The following AHNAK2 variants were observed in gnomAD, a reference collection of about 807,000 sequenced individuals.
AHNAK2 encodes protein AHNAK2.
In AHNAK2, 18 loss-of-function variants were observed where a neutral mutation model predicts 30.7. The observed-to-expected ratio is 0.59, with a 90% CI of 0.41 to 0.87. The LOEUF (loss-of-function observed/expected upper bound fraction) is 0.87. AHNAK2 is among the 40% of genes least tolerant of loss of function. The pLI, the probability that AHNAK2 is intolerant of heterozygous loss-of-function variation, is 0.00. For missense variants in AHNAK2, 8,604 were observed against 7,373.0 expected, an observed-to-expected ratio of 1.17 and a Z score of -6.11; for synonymous variants, 3,590 against 3,073.8, an observed-to-expected ratio of 1.17 and a Z score of -5.56.
intron 1 of AHNAK2, among the ~76,000 whole-genome samples, chr14:104,972,576 C>T (rs1050203140): frequency 6.6e-6 from 1 of 152,202 alleles, no homozygotes; most frequent in Non-Finnish European, 1.5e-5. Context: ...CCCTGCACAG[C>T]TGGCCACAGC....
At position 104,946,442 on chromosome 14, in the gene AHNAK2, C is replaced by A. The variant is rs754492436; in HGVS notation, c.9009G>T (p.Val3003=). The A allele has an allele frequency of 6.2e-7, 1 of 1,612,296 alleles. No individual in the cohort carries two copies. Among genetic ancestry groups the A allele is most frequent in the Admixed American group, 1.7e-5 (1 of 59,862 alleles). ...CTTCGGCCTCCACCTTCGGCGCAGACACATCCACCGAGACCTCAATGGACT... is the reference window on the plus strand; with the variant it reads ...CTTCGGCCTCCACCTTCGGCGCAGAAACATCCACCGAGACCTCAATGGACT... ...PGKSIEVSVD[V]SAPKVEAEVS... Residue 3003 remains valine, a synonymous_variant, in exon 7 of 7, where the codon GTG becomes GTT. Coordinates refer to ENST00000333244, the MANE Select transcript of AHNAK2 (RefSeq NM_138420.4).
At position 104,949,292 on chromosome 14, in the gene AHNAK2, A is replaced by C; in HGVS notation, c.6159T>G (p.Asp2053Glu). The C allele has an allele frequency of 3.8e-6, 4 of 1,055,182 alleles. 2 individuals are homozygous for C. In the South Asian group the frequency reaches 6.2e-5, roughly 16 times the overall value. 65.4% of individuals were successfully genotyped at this position (1,055,182 alleles called of 1,614,324 possible). A position where few individuals can be genotyped will look rare whatever the true frequency, so the allele number is the denominator to read the frequency against. ...GCACGTGGCCCTCCGGGAGCTTCACATCCACCTGGCCAGTCTGGACCTTCA... is the reference window on the plus strand; with the variant it reads ...GCACGTGGCCCTCCGGGAGCTTCACCTCCACCTGGCCAGTCTGGACCTTCA... ...ADLKVQTGQV[D>E]VKLPEGHVPE... The change falls in exon 7 of 7, where the codon GAT (aspartate) becomes GAG (glutamate). Residue 2053 changes from aspartate to glutamate, a missense_variant. Coordinates refer to ENST00000333244, the MANE Select transcript of AHNAK2 (RefSeq NM_138420.4).
intron 1 of AHNAK2, among the ~76,000 whole-genome samples, chr14:104,967,243 C>A (rs1189481921): frequency 6.6e-6 from 1 of 152,196 alleles, no homozygotes; most frequent in African/African-American, 2.4e-5. Context: ...CTGGCAGGAG[C>A]CTGGATGGGT....
rs775218650 is a variant in AHNAK2, at chr14:104,952,017, A to C, written c.3434T>G (p.Leu1145Arg). 6.1e-5 allele frequency: 98 copies of C among 1,612,164 alleles called. No individual in the cohort carries two copies. The highest frequency in any genetic ancestry group is 7.8e-5 in the Non-Finnish European group (92 of 1,179,608). The change falls in exon 7 of 7, where the codon CTG becomes CGG. Residue 1145 changes from leucine (L) to arginine (R), a missense_variant. Leu to Arg is a moderately radical substitution (Grantham distance 102). Transcript: ENST00000333244. ...GTCGGCCAGGGACAGTTCCCCCTCCAGCCGCGCACTGTCCAGCTTGGCTCC... is the reference window on the plus strand; with the variant it reads ...GTCGGCCAGGGACAGTTCCCCCTCCCGCCGCGCACTGTCCAGCTTGGCTCC... ...APGAKLDSAR[L>R]EGELSLADKD...
rs1352760970 is a variant in AHNAK2, at chr14:104,940,766, A to G, written c.14685T>C (p.Pro4895=). 3.1e-6 allele frequency: 5 copies of G among 1,612,890 alleles called. No homozygotes were observed. Among genetic ancestry groups the G allele is most frequent in the Non-Finnish European group, 4.2e-6 (5 of 1,179,894 alleles). ...ACTGCACTCTTTCTCCAGGGCTAAG[A>G]GGAGACATGACTGGGGCACCCACTG... ...HAAVGAPVMS[P]LSPGERVQCP... is the part of the protein sequence containing the mutation. Residue 4895 remains proline, a synonymous_variant, in exon 7 of 7, where the codon CCT becomes CCC. Coordinates refer to ENST00000333244, the MANE Select transcript of AHNAK2 (RefSeq NM_138420.4). This position sits in a 1 kb window ranked among gnomAD's most constrained non-coding sequence, Gnocchi z 4.4.
chr14:104,950,294 A>C lies in AHNAK2; in HGVS notation c.5157T>G (p.Ala1719=). The change falls in exon 7 of 7, where the codon GCT becomes GCG. Residue 1719 remains alanine (A), a synonymous_variant. Transcript: ENST00000333244. ...CCGGGAGTTTCACGTTCACTTGGCCAGCCTGGACCTCCAGGTCGGCGGAAG... is the reference window on the plus strand; with the variant it reads ...CCGGGAGTTTCACGTTCACTTGGCCCGCCTGGACCTCCAGGTCGGCGGAAG... ...QSPSADLEVQ[A]GQVNVKLPEG... is the part of the protein sequence containing the mutation. 6.3e-7 allele frequency: 1 copy of C among 1,585,272 alleles called. No individual in the cohort carries two copies. Among genetic ancestry groups the C allele is most frequent in the Non-Finnish European group, 8.6e-7 (1 of 1,162,682 alleles).
chr14:104,942,133 G>C lies in AHNAK2; in HGVS notation c.13318C>G (p.Leu4440Val), dbSNP rs766035914. The C allele has an allele frequency of 6.2e-7, 1 of 1,613,378 alleles. No homozygotes were observed. The highest frequency in any genetic ancestry group is 1.1e-5 in the South Asian group (1 of 91,044). ...EVDIQAPGAK[L>V]DSTRLEGDLS... is the part of the protein sequence containing the mutation. ...TCCCCCTCCAGCCGCGTACTGTCCA[G>C]CTTGGCTCCTGGGGCTTGGATGTCC... is the stretch of plus-strand genomic sequence containing the variant. The change falls in exon 7 of 7, where the codon CTG (leucine) becomes GTG (valine). Residue 4440 changes from leucine to valine, a missense_variant. Coordinates refer to ENST00000333244, the MANE Select transcript of AHNAK2 (RefSeq NM_138420.4).
chr14:104,949,824 G>A lies in AHNAK2; in HGVS notation c.5627C>T (p.Pro1876Leu), dbSNP rs200570508. The A allele has an allele frequency of 1.3e-6, 2 of 1,586,554 alleles. No homozygotes were observed. Among genetic ancestry groups the A allele is most frequent in the African/African-American group, 1.4e-5 (1 of 72,136 alleles). The part of the protein sequence containing the change: ...LKTTDLCIPL[P>L]SADLVVQAGQ... ...AGCCTGGACCACCAGGTCTGCAGAA[G>A]GGAGCGGAATGCAGAGGTCCGTGGT... The change falls in exon 7 of 7, where the codon CCT (proline) becomes CTT (leucine). Residue 1876 changes from proline to leucine, a missense_variant. Coordinates refer to ENST00000333244, the MANE Select transcript of AHNAK2 (RefSeq NM_138420.4).
intron 1 of AHNAK2, among the ~76,000 whole-genome samples, chr14:104,974,750 A>C (rs1291185854): frequency 6.6e-6 from 1 of 152,218 alleles, no homozygotes; most frequent in Non-Finnish European, 1.5e-5. Flanking sequence ...AAGCACCCCC[A>C]CAACTCACAC....
At position 104,941,684 on chromosome 14, in the gene AHNAK2, C is replaced by A. The variant is rs1232234139; in HGVS notation, c.13767G>T (p.Val4589=). ...KAEVMAPDVE[V]SLPSVETDVQ... ...CATCCGTCTCCACGCTGGGCAGAGA[C>A]ACCTCCACATCGGGGGCCATCACCT... Residue 4589 remains valine (V), a synonymous_variant, in exon 7 of 7, where the codon GTG becomes GTT. Coordinates refer to ENST00000333244, the MANE Select transcript of AHNAK2 (RefSeq NM_138420.4). The A allele has an allele frequency of 6.2e-7, 1 of 1,613,580 alleles. No homozygotes were observed.
In AHNAK2 at chr14:104,948,132, G is replaced by A. The variant is rs1427921090; in HGVS notation, c.7319C>T (p.Pro2440Leu). 1 of 1,612,324 alleles carries A rather than the reference G, an allele frequency of 6.2e-7. No individual in the cohort carries two copies. The highest frequency in any genetic ancestry group is 2.2e-5 in the East Asian group (1 of 44,746). Residue 2440 changes from proline to leucine, a missense_variant, in exon 7 of 7, where the codon CCC (proline) becomes CTC (leucine). Pro to Leu is a moderately conservative substitution (Grantham distance 98). Transcript: ENST00000333244. Reference protein sequence around the residue: ...LKGPKTDVMAPDVEVSQPSVE... With the variant: ...LKGPKTDVMALDVEVSQPSVE... ...GCTGGGCTGAGACACCTCCACGTCG[G>A]GGGCCATCACGTCCGTCTTGGGGCC...
chr14:104,946,273 G>T lies in AHNAK2; in HGVS notation c.9178C>A (p.His3060Asn). The change falls in exon 7 of 7, where the codon CAC (histidine) becomes AAC (asparagine). Residue 3060 changes from histidine (H) to asparagine (N), a missense_variant. Transcript: ENST00000333244. ...HVPEGAGLKG[H>N]LPKLQMPSFK... ...CTGGGCATCTGCAACTTGGGCAGGTGCCCTTTGAGGCCAGCTCCCTCGGGA... is the reference window on the plus strand; with the variant it reads ...CTGGGCATCTGCAACTTGGGCAGGTTCCCTTTGAGGCCAGCTCCCTCGGGA... 6.2e-7 allele frequency: 1 copy of T among 1,611,026 alleles called. No homozygotes were observed. The highest frequency in any genetic ancestry group is 1.1e-5 in the South Asian group (1 of 90,904).
Position 104,952,499 on chromosome 14 carries a change from C to G in AHNAK2, c.2952G>C (p.Leu984=). 1.2e-6 allele frequency: 2 copies of G among 1,612,812 alleles called. No homozygotes were observed. Among genetic ancestry groups the G allele is most frequent in the Non-Finnish European group, 1.7e-6 (2 of 1,179,662 alleles). Reference sequence around the variant, plus strand: ...CAGTCACGTCCTTGTCGGCCAGGGACAGGTCCCCCTCCAGCCACGCACCAT... The same window carrying G: ...CAGTCACGTCCTTGTCGGCCAGGGAGAGGTCCCCCTCCAGCCACGCACCAT... ...KLDGAWLEGD[L]SLADKDVTAK... is the part of the protein sequence containing the mutation. Residue 984 remains leucine, a synonymous_variant, in exon 7 of 7, where the codon CTG becomes CTC. Transcript: ENST00000333244.
At position 104,942,755 on chromosome 14, in the gene AHNAK2, C is replaced by T. The variant is rs1898053526; in HGVS notation, c.12696G>A (p.Lys4232=). The T allele has an allele frequency of 1.2e-6, 2 of 1,613,072 alleles. No individual in the cohort carries two copies. The highest frequency in any genetic ancestry group is 4.5e-5 in the East Asian group (2 of 44,758). ...PCLKMPKVAL[K]GPQVDVKGPK... ...GGCCCTTGACATCCACCTGGGGGCC[C>T]TTGAGGGCCACTTTGGGCATCTTCA... Residue 4232 remains lysine (K), a synonymous_variant, in exon 7 of 7, where the codon AAG becomes AAA. Coordinates refer to ENST00000333244, the MANE Select transcript of AHNAK2 (RefSeq NM_138420.4).
At chr14:104,956,216 G>C (rs892573414) in intron 4 of AHNAK2, among the ~76,000 whole-genome samples, 1 of 152,208 alleles carries the variant, frequency 6.6e-6, no homozygotes, top group African/African-American at 2.4e-5. Context: ...ACCTTCCATA[G>C]TTCCATGGCC....
In AHNAK2 at chr14:104,948,078, G is replaced by A. The variant is rs553916130; in HGVS notation, c.7373C>T (p.Ala2458Val). Residue 2458 changes from alanine (A) to valine (V), a missense_variant, in exon 7 of 7, where the codon GCC becomes GTC. Physicochemically the swap from Ala to Val is moderately conservative, Grantham distance 64. Transcript: ENST00000333244. ...CTCCAGCCACGCACCATCCAGCTTGGCTCCCGGGGCCTCGACATCCACCTC... is the reference window on the plus strand; with the variant it reads ...CTCCAGCCACGCACCATCCAGCTTGACTCCCGGGGCCTCGACATCCACCTC... ...SVEVDVEAPGAKLDGAWLEGD... is the reference protein window; with the variant it reads ...SVEVDVEAPGVKLDGAWLEGD... 2.5e-6 allele frequency: 4 copies of A among 1,612,930 alleles called. No homozygotes were observed. The East Asian group carries it at 6.7e-5, about 27-fold the overall frequency.
In AHNAK2 at chr14:104,941,131, G is replaced by C; in HGVS notation, c.14320C>G (p.Leu4774Val). The change falls in exon 7 of 7, where the codon CTC becomes GTC. Residue 4774 changes from leucine (L) to valine (V), a missense_variant. Physicochemically the swap from Leu to Val is conservative, Grantham distance 32. Coordinates refer to ENST00000333244, the MANE Select transcript of AHNAK2 (RefSeq NM_138420.4). ...FAGFPSSRLDLTGPHFESSIL... is the reference protein window; with the variant it reads ...FAGFPSSRLDVTGPHFESSIL... The stretch of plus-strand genomic sequence containing the variant: ...GAAGATTCAAAGTGAGGACCAGTGA[G>C]ATCAAGCCGGGATGATGGAAACCCA... The C allele has an allele frequency of 6.2e-7, 1 of 1,613,638 alleles. No individual in the cohort carries two copies.
At position 104,938,547 on chromosome 14, in the gene AHNAK2, T is replaced by C. The variant is rs143601583; in HGVS notation, c.16904A>G (p.Asp5635Gly). 2.2e-5 allele frequency: 36 copies of C among 1,613,366 alleles called. No homozygotes were observed. The Middle Eastern group carries it at 6.6e-4, about 30-fold the overall frequency. The change falls in exon 7 of 7, where the codon GAC (aspartate) becomes GGC (glycine). Residue 5635 changes from aspartate (D) to glycine (G), a missense_variant. Asp to Gly is a moderately conservative substitution (Grantham distance 94). Coordinates refer to ENST00000333244, the MANE Select transcript of AHNAK2 (RefSeq NM_138420.4). ...ACCAGATTTTTTACTTTCTGGTTTG[T>C]CTTTTGGAGCCCTGCCTTCATCTGC... ...PLADEGRAPK[D>G]KPESKKSGLL...
In AHNAK2 at chr14:104,945,311, G is replaced by A. The variant is rs182001468; in HGVS notation, c.10140C>T (p.His3380=). The change falls in exon 7 of 7, where the codon CAC becomes CAT. Residue 3380 remains histidine, a synonymous_variant. Transcript: ENST00000333244. ...CTTTGAGGCCAGCTCCCTCGGGCACGTGGCCCTCCGGGAGCTTCACGTCCA... is the reference window on the plus strand; with the variant it reads ...CTTTGAGGCCAGCTCCCTCGGGCACATGGCCCTCCGGGAGCTTCACGTCCA... ...GQVDVKLPEG[H]VPEGAGLKGH... The A allele has an allele frequency of 3.4e-3, 5,498 of 1,612,788 alleles. 18 individuals carry two copies. Among genetic ancestry groups the A allele is most frequent in the Non-Finnish European group, 4.3e-3 (5,091 of 1,179,558 alleles).
Sources: gnomAD v4.1 joint callset for allele counts (sites outside exome capture counted in the v4.1 genomes callset) on GRCh38, gnomAD v4.1.1 for gene constraint, Gnocchi (gnomAD v3.1) non-coding constraint, MANE v1.5 for transcripts, NCBI Gene and HGNC (gene_info 2026-07-23, HGNC 2026-07-21) for gene names.